The following PAXIP1 variants were observed in gnomAD, a reference collection of about 807,000 sequenced individuals.
PAXIP1 encodes PAX-interacting protein 1.
Under a neutral mutation model 140.6 loss-of-function variants are expected in PAXIP1, and 19 were observed. The ratio of observed to expected loss-of-function variants is 0.14; its 90% CI spans 0.09 to 0.20. The LOEUF is 0.20. Ranked by LOEUF, PAXIP1 falls within the 10% of genes least tolerant of loss-of-function variation. PAXIP1 has a pLI of 1.00. For missense variants in PAXIP1, 920 were observed against 1,208.6 expected, an observed-to-expected ratio of 0.76 and a Z score of 3.54; for synonymous variants, 442 against 444.6, an observed-to-expected ratio of 0.99 and a Z score of 0.07.
At chr7:154,985,802 A>G (rs1048305247) in intron 4 of PAXIP1, among the ~76,000 whole-genome samples, 3 of 152,210 alleles carry the variant, frequency 2.0e-5, no homozygotes, top group African/African-American at 7.2e-5. Context: ...CTTGACTATG[A>G]ACTCTAACAC....
chr7:154,950,117 AT>A (rs1808208377), intron 16 of PAXIP1: 1 of 152,230 alleles, frequency 6.6e-6, no homozygotes, highest in South Asian at 2.1e-4. Context: ...GATGTCTCAA[AT>A]TTTATGTAAG....
At position 154,986,907 on chromosome 7, in the gene PAXIP1, G is replaced by C. The variant is rs763975563; in HGVS notation, c.325-3575C>G. Among the ~76,000 whole-genome samples, 1 of 152,144 alleles carries C rather than the reference G, an allele frequency of 6.6e-6. No homozygotes were observed. The highest frequency in any genetic ancestry group is 2.1e-4 in the South Asian group (1 of 4,826). ...GATATAAAATACTATCAAAGAGCTT[G>C]CTAAGAAATTAACCTTTTGGCCATC... On this transcript the variant is annotated intron_variant, in intron 4 of 20. Coordinates refer to ENST00000404141, the MANE Select transcript of PAXIP1 (RefSeq NM_007349.4). The surrounding 1 kb of genome is among the most constrained non-coding windows in gnomAD (Gnocchi z 4.8).
chr7:154,980,361 AT>A, intron 5 of PAXIP1, among the ~76,000 whole-genome samples: 1 of 152,032 alleles, frequency 6.6e-6, no homozygotes, highest in Non-Finnish European at 1.5e-5. Context: ...CGCAGCCGCT[AT>A]ATTGATGACT....
At chr7:154,988,363 T>C (rs568041201) in intron 4 of PAXIP1, among the ~76,000 whole-genome samples, 2 of 152,348 alleles carry the variant, frequency 1.3e-5, no homozygotes, top group Admixed American at 6.5e-5. Context: ...CCTAAGCTCA[T>C]AGAATCATAC....
intron 1 of PAXIP1, chr7:155,002,162 A>G (rs1392920416): frequency 6.6e-6 from 1 of 152,266 alleles, no homozygotes; most frequent in East Asian, 1.9e-4. Flanking sequence ...AACCCACAAT[A>G]TCCTTTGGCG....
intron 4 of PAXIP1, among the ~76,000 whole-genome samples, chr7:154,990,325 G>A (rs920917432): frequency 2.0e-5 from 3 of 151,978 alleles, no homozygotes; most frequent in African/African-American, 7.3e-5. Flanking sequence ...ATAGGCATGA[G>A]CCACCATGCC....
At chr7:154,947,865 G>T in intron 17 of PAXIP1, 38 bp downstream of exon 17, 1 of 1,409,334 alleles carries the variant, frequency 7.1e-7, no homozygotes, top group Non-Finnish European at 1.0e-6. Context: ...CGTGTGTTAT[G>T]CTTACTTGGA....
intron 16 of PAXIP1, chr7:154,948,290 A>G (rs111727936): frequency 0.016 from 5,409 of 328,120 alleles, 75 homozygotes; most frequent in Middle Eastern, 0.035. Flanking sequence ...TCATGCCTGT[A>G]ATTCCAGCAC....
At chr7:154,980,203 A>C (rs10248364) in intron 5 of PAXIP1, among the ~76,000 whole-genome samples, 90,561 of 151,790 alleles carry the variant, frequency 0.6, 27,083 homozygotes, top group Admixed American at 0.67. Flanking sequence ...AAATAAAAAT[A>C]AAAGGAATTA....
In PAXIP1 at chr7:154,961,565, A is replaced by G; in HGVS notation, c.2211T>C (p.Gly737=). 1.2e-6 allele frequency: 2 copies of G among 1,607,600 alleles called. No homozygotes were observed. Among genetic ancestry groups the G allele is most frequent in the African/African-American group, 1.3e-5 (1 of 75,006 alleles). The change falls in exon 11 of 21, where the codon GGT becomes GGC. Residue 737 remains glycine (G), a synonymous_variant. Coordinates refer to ENST00000404141, the MANE Select transcript of PAXIP1 (RefSeq NM_007349.4). ...GGACTGTGTTGCTGCGGCATAGATAACCCGTATATTTGGCACCTGCCAAAT... is the reference window on the plus strand; with the variant it reads ...GGACTGTGTTGCTGCGGCATAGATAGCCCGTATATTTGGCACCTGCCAAAT... ...MAYLAGAKYT[G]YLCRSNTVLI...
intron 3 of PAXIP1, 34 bp from the exon 4 acceptor site, chr7:154,991,103 A>C (rs1810308383): frequency 1.7e-6 from 2 of 1,146,896 alleles, no homozygotes. Context: ...CAATGAAATA[A>C]GATTAGTGCA....
intron 1 of PAXIP1, chr7:155,000,124 T>C (rs1810819932): frequency 6.6e-6 from 1 of 152,100 alleles, no homozygotes; most frequent in African/African-American, 2.4e-5. Context: ...CAGAGAGCTT[T>C]CTTCTTTCAC....
rs1213871572 is a variant in PAXIP1 at position 154,973,750 on chromosome 7, C to T, written c.1074+1946G>A. 2.0e-5 allele frequency among the ~76,000 whole-genome samples: 3 copies of T among 152,348 alleles called. No individual in the cohort carries two copies. The highest frequency in any genetic ancestry group is 1.9e-4 in the East Asian group (1 of 5,188). On this transcript the variant is annotated intron_variant, in intron 6 of 20. Coordinates refer to ENST00000404141, the MANE Select transcript of PAXIP1 (RefSeq NM_007349.4). This position sits in a 1 kb window ranked among gnomAD's most constrained non-coding sequence, Gnocchi z 4.0. ...CATTGTCAACATCACCTTATACCTA[C>T]GCCATACTGAATTTCCCCACTTCAT...
In PAXIP1 at chr7:154,946,597, A is replaced by C. The variant is rs1041545529; in HGVS notation, c.3058-10T>G. The C allele has an allele frequency of 1.9e-6, 3 of 1,613,548 alleles. No homozygotes were observed. Among genetic ancestry groups the C allele is most frequent in the Non-Finnish European group, 2.5e-6 (3 of 1,179,520 alleles). ...TTATTTCCGACAAACTCTAAGGAAA[A>C]GAAAATGAGTTTCTCAGTGACCGAA... On this transcript the variant is annotated splice_polypyrimidine_tract_variant and intron_variant, in intron 18 of 20. Transcript: ENST00000404141. This position sits in a 1 kb window ranked among gnomAD's most constrained non-coding sequence, Gnocchi z 4.9.
chr7:154,968,898 T>TCTGCTG lies in PAXIP1; in HGVS notation c.1297_1302dup (p.Gln433_Gln434dup), dbSNP rs151102688. 2.6e-6 allele frequency: 3 copies of TCTGCTG among 1,157,054 alleles called. No individual in the cohort carries two copies. In the South Asian group the frequency reaches 4.0e-5, roughly 15 times the overall value. The allele number at this position is 1,157,054 out of a possible 1,614,324, so 71.7% of individuals were successfully genotyped here. A position where few individuals can be genotyped will look rare whatever the true frequency, so the allele number is the denominator to read the frequency against. On this transcript the variant is annotated inframe_insertion, in exon 7 of 21. Transcript: ENST00000404141. ...TGCTGGGGGTAAGGTTGCTGAGAGA[T>TCTGCTG]CTGCTGCTGCTGCTGCTGCTGGAGC...
In PAXIP1 at chr7:154,946,220, A is replaced by G. The variant is rs1313384945; in HGVS notation, c.3194+145T>C. The G allele has an allele frequency of 6.8e-7, 1 of 1,468,468 alleles. No individual in the cohort carries two copies. The highest frequency in any genetic ancestry group is 9.0e-7 in the Non-Finnish European group (1 of 1,113,228). The allele number at this position is 1,468,468 out of a possible 1,614,324, so 91.0% of individuals were successfully genotyped here. ...AGCAACTCAAATGAATATTCTGAAG[A>G]GAAAAGAATTGTTCACTGCATAAAT... On this transcript the variant is annotated intron_variant, in intron 20 of 20. Transcript: ENST00000404141. This position sits in a 1 kb window ranked among gnomAD's most constrained non-coding sequence, Gnocchi z 4.9.
At chr7:154,985,922 G>T in intron 4 of PAXIP1, 2 of 947,158 alleles carry the variant, frequency 2.1e-6, no homozygotes, top group Non-Finnish European at 2.9e-6. Flanking sequence ...TGTTGATTGA[G>T]ATACAGAATG....
chr7:154,995,002 CTTCTGAA>C, intron 2 of PAXIP1, among the ~76,000 whole-genome samples: 1 of 152,328 alleles, frequency 6.6e-6, no homozygotes, highest in South Asian at 2.1e-4. Flanking sequence ...GGCCTTGACA[CTTCTGAA>C]TTCAGAACAC....
Position 155,002,896 on chromosome 7 carries a change from TCTC to T in PAXIP1, c.31_33del (p.Glu11del), listed in dbSNP as rs756246145. The T allele has an allele frequency of 7.2e-6, 10 of 1,398,594 alleles. No homozygotes were observed. Among genetic ancestry groups the T allele is most frequent in the East Asian group, 3.5e-5 (1 of 28,680 alleles). The allele number at this position is 1,398,594 out of a possible 1,614,324, so 86.6% of individuals were successfully genotyped here. On this transcript the variant is annotated inframe_deletion, in exon 1 of 21. Coordinates refer to ENST00000404141, the MANE Select transcript of PAXIP1 (RefSeq NM_007349.4). ...GCGTAATACTTGACCTCCCTGAACATCTCCTCAGGAACTTTGGGCGCCTGGTCC... is the reference window on the plus strand; with the variant it reads ...GCGTAATACTTGACCTCCCTGAACATCTCAGGAACTTTGGGCGCCTGGTCC...
Sources: gnomAD v4.1 joint callset for allele counts (sites outside exome capture counted in the v4.1 genomes callset) on GRCh38, gnomAD v4.1.1 for gene constraint, Gnocchi (gnomAD v3.1) non-coding constraint, MANE v1.5 for transcripts, NCBI Gene and HGNC (gene_info 2026-07-23, HGNC 2026-07-21) for gene names.